Variants in GRIK2 observed in about 807,000 individuals in gnomAD.
The protein encoded by GRIK2 is glutamate receptor ionotropic, kainate 2.
GRIK2 carries 32 observed loss-of-function variants against 100.3 expected under a neutral mutation model. That is an observed-to-expected ratio of 0.32 (90% CI 0.24 to 0.43). The LOEUF (loss-of-function observed/expected upper bound fraction) is 0.43. Ranked by LOEUF, GRIK2 falls within the 20% of genes least tolerant of loss-of-function variation. The pLI, the probability that GRIK2 is intolerant of heterozygous loss-of-function variation, is 1.00. For synonymous variants in GRIK2, 417 were observed against 389.4 expected, an observed-to-expected ratio of 1.07 and a Z score of -0.83; for missense variants, 843 against 1,114.9, an observed-to-expected ratio of 0.76 and a Z score of 3.47.
At chr6:101,936,244 A>G (rs1315973696) in intron 14 of GRIK2, among the ~76,000 whole-genome samples, 1 of 152,014 alleles carries the variant, frequency 6.6e-6, no homozygotes, top group African/African-American at 2.4e-5. Context: ...AGAAGTCTGG[A>G]AGAAATATCG....
chr6:101,965,439 G>GTCTA (rs1290179707), intron 14 of GRIK2, among the ~76,000 whole-genome samples: 2 of 150,732 alleles, frequency 1.3e-5, no homozygotes, highest in African/African-American at 5.0e-5. Flanking sequence ...AAGTCAGAGA[G>GTCTA]TCTATCTTCA....
Position 101,738,285 on chromosome 6 carries a change from CAATTGT to C in GRIK2, c.951+51945_951+51950del, listed in dbSNP as rs762319656. 3.2e-3 allele frequency among the ~76,000 whole-genome samples: 416 copies of C among 129,224 alleles called. 2 individuals carry two copies. Among genetic ancestry groups the C allele is most frequent in the Non-Finnish European group, 3.6e-3 (222 of 61,698 alleles). The allele number at this position is 129,224 out of a possible 152,430, so 84.8% of individuals were successfully genotyped here. A position where few individuals can be genotyped will look rare whatever the true frequency, so the allele number is the denominator to read the frequency against. On this transcript the variant is annotated intron_variant, in intron 7 of 16. Transcript: ENST00000369134. Reference sequence around the variant, plus strand: ...AAATGTCAATTGTAATTGTAATTGTCAATTGTAATTGTAATTGTCAACTACATGTAT... The same window carrying C: ...AAATGTCAATTGTAATTGTAATTGTCAATTGTAATTGTCAACTACATGTAT...
chr6:101,935,357 T>A (rs1432502720), intron 14 of GRIK2, among the ~76,000 whole-genome samples: 1 of 151,924 alleles, frequency 6.6e-6, no homozygotes, highest in Non-Finnish European at 1.5e-5. Flanking sequence ...TTTGAGCACT[T>A]GTGTTTCTCA....
At chr6:101,755,301 G>A (rs1263623571) in intron 7 of GRIK2, among the ~76,000 whole-genome samples, 1 of 151,492 alleles carries the variant, frequency 6.6e-6, no homozygotes, top group Non-Finnish European at 1.5e-5. Context: ...CGAGTGGCTG[G>A]GACTACAGGC....
intron 2 of GRIK2, among the ~76,000 whole-genome samples, chr6:101,510,135 A>G (rs1197343840): frequency 6.6e-6 from 1 of 152,208 alleles, no homozygotes; most frequent in African/African-American, 2.4e-5. Context: ...CAATGACATT[A>G]AAGTGCTTAT....
chr6:101,873,827 TG>T (rs1343873350), intron 11 of GRIK2, among the ~76,000 whole-genome samples: 2 of 152,116 alleles, frequency 1.3e-5, no homozygotes, highest in African/African-American at 2.4e-5. Context: ...GGTTTTGATT[TG>T]CATTTCTCTG....
At chr6:102,022,162 A>G (rs774238068) in intron 14 of GRIK2, among the ~76,000 whole-genome samples, 55 of 151,070 alleles carry the variant, frequency 3.6e-4, no homozygotes, top group Non-Finnish European at 7.4e-4. Flanking sequence ...ACACACACAC[A>G]CACAACATAT....
At chr6:101,780,373 C>T (rs1007024873) in intron 7 of GRIK2, among the ~76,000 whole-genome samples, 3 of 151,982 alleles carry the variant, frequency 2.0e-5, no homozygotes, top group Non-Finnish European at 2.9e-5. Context: ...AGGATTTGCC[C>T]GAATCTTATT....
intron 4 of GRIK2, among the ~76,000 whole-genome samples, chr6:101,633,788 A>G (rs531201565): frequency 6.6e-6 from 1 of 152,280 alleles, no homozygotes; most frequent in African/African-American, 2.4e-5. Context: ...GTTCTGGGAA[A>G]GAAACAGAAG....
At chr6:101,775,577 A>G (rs1429089746) in intron 7 of GRIK2, among the ~76,000 whole-genome samples, 1 of 150,918 alleles carries the variant, frequency 6.6e-6, no homozygotes, top group Non-Finnish European at 1.5e-5. Flanking sequence ...CACACACATT[A>G]CTGTATAGTT....
At chr6:101,614,084 T>C (rs1458551790) in intron 2 of GRIK2, among the ~76,000 whole-genome samples, 1 of 151,636 alleles carries the variant, frequency 6.6e-6, no homozygotes, top group Admixed American at 6.6e-5. Flanking sequence ...AATCTATGTA[T>C]CTGAATGATG....
At chr6:101,992,208 A>G (rs1043398357) in intron 14 of GRIK2, among the ~76,000 whole-genome samples, 1 of 151,554 alleles carries the variant, frequency 6.6e-6, no homozygotes, top group African/African-American at 2.4e-5. Context: ...TTTTCTACAA[A>G]GGTTCAGGAT....
chr6:101,875,805 C>T (rs1785790798), intron 11 of GRIK2, among the ~76,000 whole-genome samples: 1 of 151,876 alleles, frequency 6.6e-6, no homozygotes, highest in African/African-American at 2.4e-5. Context: ...AATACAAGGA[C>T]CTTAGGAAGC....
intron 2 of GRIK2, among the ~76,000 whole-genome samples, chr6:101,427,332 T>C (rs1353714444): frequency 1.3e-5 from 2 of 152,236 alleles, no homozygotes; most frequent in Non-Finnish European, 2.9e-5. Context: ...TGCTCTGCTT[T>C]TCTGAAATTC....
chr6:101,541,376 C>CACACACACACACACA (rs775232963), intron 2 of GRIK2, among the ~76,000 whole-genome samples: 3 of 5,588 alleles, frequency 5.4e-4, no homozygotes, highest in African/African-American at 7.9e-4. Flanking sequence ...GCGCACACAA[C>CACACACACACACACA]CACACACACA....
chr6:101,741,306 T>C (rs756390386), intron 7 of GRIK2, among the ~76,000 whole-genome samples: 1 of 152,236 alleles, frequency 6.6e-6, no homozygotes, highest in Non-Finnish European at 1.5e-5. Flanking sequence ...TACTAGAGTT[T>C]TCTTAAGTTC....
intron 8 of GRIK2, among the ~76,000 whole-genome samples, chr6:101,800,407 T>C (rs923067122): frequency 8.6e-5 from 13 of 151,966 alleles, no homozygotes; most frequent in African/African-American, 3.1e-4. Flanking sequence ...TATATACAAA[T>C]ATGTATACGT....
chr6:101,408,594 A>G (rs928662987), intron 2 of GRIK2, among the ~76,000 whole-genome samples: 1 of 152,060 alleles, frequency 6.6e-6, no homozygotes, highest in Non-Finnish European at 1.5e-5. Context: ...AAAAAAGAAA[A>G]AGAAAACCCA....
intron 2 of GRIK2, among the ~76,000 whole-genome samples, chr6:101,558,053 T>A (rs1776829669): frequency 6.6e-6 from 1 of 152,156 alleles, no homozygotes; most frequent in African/African-American, 2.4e-5. Flanking sequence ...ACCACCCACT[T>A]CTTCCTGAGT....
Sources: allele counts gnomAD v4.1 joint callset (sites outside exome capture counted in the v4.1 genomes callset), GRCh38; gene constraint gnomAD v4.1.1; transcripts MANE v1.5; gene names NCBI Gene and HGNC (gene_info 2026-07-23, HGNC 2026-07-21).